The following PROM1 variants were observed in gnomAD, a reference collection of about 807,000 sequenced individuals.
PROM1 encodes prominin-1.
Under a neutral mutation model 116.9 loss-of-function variants are expected in PROM1, and 105 were observed. The observed-to-expected ratio is 0.90, with a 90% CI of 0.77 to 1.06. The LOEUF (loss-of-function observed/expected upper bound fraction) is 1.06. PROM1 is among the 50% of genes least tolerant of loss of function. The pLI, the probability that PROM1 is intolerant of heterozygous loss-of-function variation, is 0.00. For missense variants in PROM1, 1,122 were observed against 1,045.2 expected (o/e 1.07, Z -1.01); for synonymous variants, 393 against 387.0 (o/e 1.02, Z -0.18).
intron 5 of PROM1, among the ~76,000 whole-genome samples, chr4:16,030,661 T>G (rs1578124215): frequency 6.6e-6 from 1 of 152,198 alleles, no homozygotes; most frequent in Admixed American, 6.5e-5. Context: ...TTCAACATAA[T>G]GTAAATAACT....
intron 1 of PROM1, chr4:16,079,544 G>A (rs1456771456): frequency 1.3e-5 from 2 of 152,166 alleles, no homozygotes; most frequent in Non-Finnish European, 2.9e-5. Context: ...GCCAAAAACA[G>A]AAGCTCTGAG....
chr4:16,042,565 C>T (rs1303079480), intron 2 of PROM1, among the ~76,000 whole-genome samples: 1 of 152,162 alleles, frequency 6.6e-6, no homozygotes, highest in Non-Finnish European at 1.5e-5. Flanking sequence ...CACAAAATTA[C>T]ACTTGTACCC....
intron 26 of PROM1, among the ~76,000 whole-genome samples, chr4:15,978,626 T>C (rs528138941): frequency 6.6e-6 from 1 of 152,314 alleles, no homozygotes; most frequent in East Asian, 1.9e-4. Context: ...ACTCACCCTT[T>C]TGCATCTGAG....
chr4:16,031,995 G>A (rs563276524), intron 5 of PROM1, among the ~76,000 whole-genome samples: 13 of 152,220 alleles, frequency 8.5e-5, no homozygotes, highest in African/African-American at 2.6e-4. Context: ...GAGACAAAAA[G>A]CCCAGCTACA....
intron 2 of PROM1, among the ~76,000 whole-genome samples, chr4:16,065,369 T>G (rs764739526): frequency 6.6e-6 from 1 of 152,198 alleles, no homozygotes; most frequent in Non-Finnish European, 1.5e-5. Flanking sequence ...TCTTGAACTC[T>G]TCCACACACT....
chr4:16,061,817 G>C (rs986266966), intron 2 of PROM1, among the ~76,000 whole-genome samples: 1 of 151,952 alleles, frequency 6.6e-6, no homozygotes, highest in East Asian at 1.9e-4. Flanking sequence ...CTAGCTTCTG[G>C]TGGTTCCTTG....
At chr4:15,970,552 G>A (rs1714246155) in intron 27 of PROM1, among the ~76,000 whole-genome samples, 1 of 151,544 alleles carries the variant, frequency 6.6e-6, no homozygotes, top group Non-Finnish European at 1.5e-5. Context: ...TACTCACTGT[G>A]TGTGTGTATA....
At chr4:15,971,295 G>A in intron 26 of PROM1, 1 of 521,340 alleles carries the variant, frequency 1.9e-6, no homozygotes, top group East Asian at 2.9e-5. Flanking sequence ...AAGATAAAGA[G>A]GATAAACAGA....
At chr4:16,033,924 T>A (rs1733389142) in intron 4 of PROM1, among the ~76,000 whole-genome samples, 1 of 151,960 alleles carries the variant, frequency 6.6e-6, no homozygotes, top group Non-Finnish European at 1.5e-5. Flanking sequence ...TATATATGTA[T>A]GTATTTTTTT....
At chr4:16,059,479 G>A (rs1051444789) in intron 2 of PROM1, among the ~76,000 whole-genome samples, 1 of 152,212 alleles carries the variant, frequency 6.6e-6, no homozygotes, top group Non-Finnish European at 1.5e-5. Context: ...CAAGGCAGGA[G>A]GATGGCTTGA....
In PROM1 at chr4:15,993,084, A is replaced by G. The variant is rs1721470606; in HGVS notation, c.1768-693T>C. 2.6e-5 allele frequency among the ~76,000 whole-genome samples: 4 copies of G among 152,354 alleles called. No homozygotes were observed. The South Asian group carries it at 8.3e-4, about 32-fold the overall frequency. ...TTACAAAATTATGTCTGTTTAATGT[A>G]TATGTATGGACTATTTAGGGAAGAT... On this transcript the variant is annotated intron_variant, in intron 16 of 27. Transcript: ENST00000447510.
Position 15,997,436 on chromosome 4 carries a change from G to GTT in PROM1, c.1682+947_1682+948dup, listed in dbSNP as rs1040239150. ...TATACATCACCTGAGGTCAGGAGTT[G>GTT]TTATATATATATATACATAGTTTTT... On this transcript the variant is annotated intron_variant, in intron 15 of 27. Coordinates refer to ENST00000447510, the MANE Select transcript of PROM1 (RefSeq NM_006017.3). Among the ~76,000 whole-genome samples the GTT allele has an allele frequency of 2.7e-5, 4 of 148,264 alleles. No homozygotes were observed. In the Admixed American group the frequency reaches 2.7e-4, roughly 10 times the overall value.
rs933237020 is a variant in PROM1, at chr4:16,035,644, C to T, written c.303+91G>A. The T allele has an allele frequency of 3.0e-5, 37 of 1,241,456 alleles. 1 individual carries two copies. The highest frequency in any genetic ancestry group is 1.6e-4 in the East Asian group (7 of 43,294). 76.9% of individuals were successfully genotyped at this position (1,241,456 alleles called of 1,614,324 possible). A position where few individuals can be genotyped will look rare whatever the true frequency, so the allele number is the denominator to read the frequency against. ...AGTGATGGTAAAAACAGAAATGAAA[C>T]GGATCATTTAAAAATCTTCACAGTG... On this transcript the variant is annotated intron_variant, in intron 4 of 27. Coordinates refer to ENST00000447510, the MANE Select transcript of PROM1 (RefSeq NM_006017.3).
chr4:16,021,533 T>A (rs1311192709), intron 8 of PROM1, among the ~76,000 whole-genome samples: 1 of 152,224 alleles, frequency 6.6e-6, no homozygotes, highest in Non-Finnish European at 1.5e-5. Context: ...GTTAATATGT[T>A]ATAGACATAA....
At chr4:16,059,763 C>T (rs1739882826) in intron 2 of PROM1, among the ~76,000 whole-genome samples, 2 of 152,012 alleles carry the variant, frequency 1.3e-5, no homozygotes, top group East Asian at 1.9e-4. Context: ...CATATATATA[C>T]TTGCATATTT....
intron 13 of PROM1, chr4:16,003,206 C>A: frequency 2.3e-6 from 1 of 439,086 alleles, no homozygotes; most frequent in Admixed American, 2.4e-5. Flanking sequence ...TGATCTTCCA[C>A]GCATGGATGT....
chr4:15,970,307 A>G (rs962590448), intron 27 of PROM1, among the ~76,000 whole-genome samples: 9 of 151,284 alleles, frequency 5.9e-5, no homozygotes, highest in African/African-American at 2.2e-4. Context: ...CTGAGATTAC[A>G]GGCAGGATTA....
At chr4:15,981,156 T>A (rs1297525645) in intron 23 of PROM1, among the ~76,000 whole-genome samples, 1 of 147,986 alleles carries the variant, frequency 6.8e-6, no homozygotes, top group African/African-American at 2.5e-5. Flanking sequence ...AGAGACGGGG[T>A]TTCACCGGGT....
chr4:16,030,874 C>T (rs867821508), intron 5 of PROM1, among the ~76,000 whole-genome samples: 3 of 151,986 alleles, frequency 2.0e-5, no homozygotes, highest in Non-Finnish European at 2.9e-5. Flanking sequence ...GGTGAAACCC[C>T]GTCTCTACTA....
Sources: allele counts gnomAD v4.1 joint callset (sites outside exome capture counted in the v4.1 genomes callset), GRCh38; gene constraint gnomAD v4.1.1; transcripts MANE v1.5; gene names NCBI Gene and HGNC (gene_info 2026-07-23, HGNC 2026-07-21).